Variants in PAK1 observed in about 807,000 individuals in gnomAD.
PAK1 encodes serine/threonine-protein kinase PAK 1.
A neutral mutation model predicts 67.4 loss-of-function variants in PAK1; 29 were observed. The ratio of observed to expected loss-of-function variants is 0.43; its 90% CI spans 0.32 to 0.59. The LOEUF (loss-of-function observed/expected upper bound fraction) is 0.59, where lower values mean the gene tolerates loss of function less well. PAK1 is among the 20% of genes least tolerant of loss of function. The probability of loss-of-function intolerance (pLI) is 0.07; values close to 1 mark genes in which losing one functional copy is unlikely to be tolerated. For missense variants in PAK1, 337 were observed against 670.7 expected (o/e 0.50, Z 5.50); for synonymous variants, 223 against 237.4 (o/e 0.94, Z 0.56).
intron 14 of PAK1, among the ~76,000 whole-genome samples, chr11:77,323,651 A>C (rs1938922608): frequency 6.6e-6 from 1 of 152,234 alleles, no homozygotes; most frequent in African/African-American, 2.4e-5. Context: ...TGTTCATAAA[A>C]GATTTGCTTA....
At chr11:77,436,419 G>C (rs938835982) in intron 1 of PAK1, among the ~76,000 whole-genome samples, 1 of 152,180 alleles carries the variant, frequency 6.6e-6, no homozygotes, top group Non-Finnish European at 1.5e-5. Flanking sequence ...CTTAAGGATA[G>C]AAAAAATCAG....
intron 5 of PAK1, among the ~76,000 whole-genome samples, chr11:77,365,732 C>A (rs1451518322): frequency 6.6e-6 from 1 of 151,720 alleles, no homozygotes; most frequent in African/African-American, 2.4e-5. Context: ...ACTCGGGCGG[C>A]TGAGGCAAGA....
At chr11:77,396,234 A>G (rs969294063) in intron 1 of PAK1, among the ~76,000 whole-genome samples, 1 of 152,258 alleles carries the variant, frequency 6.6e-6, no homozygotes, top group Admixed American at 6.5e-5. Context: ...TTGGAATCTA[A>G]TATTTCAATT....
intron 14 of PAK1, among the ~76,000 whole-genome samples, chr11:77,325,955 G>A (rs1019301395): frequency 2.6e-5 from 4 of 152,150 alleles, no homozygotes; most frequent in African/African-American, 7.2e-5. Context: ...ACAAAATAGA[G>A]GTTATAATCC....
chr11:77,431,872 C>T (rs1406807304), intron 1 of PAK1, among the ~76,000 whole-genome samples: 3 of 152,154 alleles, frequency 2.0e-5, no homozygotes, highest in Admixed American at 6.5e-5. Context: ...TAACAATATG[C>T]CAATCCTATA....
chr11:77,375,276 A>G (rs911960384), intron 4 of PAK1, among the ~76,000 whole-genome samples: 1 of 152,224 alleles, frequency 6.6e-6, no homozygotes, highest in East Asian at 1.9e-4. Flanking sequence ...TCTGCATTCT[A>G]AAAGAAAAGG....
At chr11:77,329,645 GA>G (rs1265231469) in intron 14 of PAK1, among the ~76,000 whole-genome samples, 1 of 151,708 alleles carries the variant, frequency 6.6e-6, no homozygotes, top group Non-Finnish European at 1.5e-5. Flanking sequence ...AAAATAATAA[GA>G]GCTATCTATG....
At chr11:77,417,832 T>G (rs1426915973) in intron 1 of PAK1, among the ~76,000 whole-genome samples, 4 of 151,876 alleles carry the variant, frequency 2.6e-5, no homozygotes, top group Non-Finnish European at 5.9e-5. Context: ...CCTCCCCGGT[T>G]CAAGCAATCC....
chr11:77,427,648 AT>A (rs1421202335), intron 1 of PAK1, among the ~76,000 whole-genome samples: 1 of 152,194 alleles, frequency 6.6e-6, no homozygotes, highest in East Asian at 1.9e-4. Flanking sequence ...GGTCTACTAG[AT>A]GCAATGCCCT....
chr11:77,340,860 T>C (rs1943490984), intron 10 of PAK1, 97 bp from the exon 11 acceptor site: 1 of 763,446 alleles, frequency 1.3e-6, no homozygotes, highest in African/African-American at 1.7e-5. Flanking sequence ...AGAGTGAAAC[T>C]ACGTCTTAGC....
At chr11:77,481,747 GT>G in the PAK1 span, among the ~76,000 whole-genome samples, 1 of 151,218 alleles carries the variant, frequency 6.6e-6, no homozygotes, top group Non-Finnish European at 1.5e-5. Flanking sequence ...TGCAATGATA[GT>G]TTTTGGATTT....
chr11:77,426,230 AACC>A (rs148306656), intron 1 of PAK1, among the ~76,000 whole-genome samples: 1 of 151,974 alleles, frequency 6.6e-6, no homozygotes, highest in Admixed American at 6.6e-5. Context: ...GACAAATGGG[AACC>A]ACCACCACCA....
chr11:77,488,474 A>G, the PAK1 span, among the ~76,000 whole-genome samples: 2 of 152,220 alleles, frequency 1.3e-5, no homozygotes, highest in Admixed American at 6.5e-5. Flanking sequence ...ATCCCAGAGT[A>G]ATAGAGATAT....
At chr11:77,496,251 T>C in the PAK1 span, among the ~76,000 whole-genome samples, 1 of 152,048 alleles carries the variant, frequency 6.6e-6, no homozygotes, top group African/African-American at 2.4e-5. Flanking sequence ...TCTCTTGACT[T>C]CATGATCCAC....
intron 5 of PAK1, among the ~76,000 whole-genome samples, chr11:77,372,505 G>A (rs1313524782): frequency 6.6e-6 from 1 of 152,216 alleles, no homozygotes; most frequent in African/African-American, 2.4e-5. Flanking sequence ...TAATCAATAT[G>A]TGTAAAAATG....
chr11:77,454,899 T>C (rs947769766), intron 1 of PAK1, among the ~76,000 whole-genome samples: 4 of 152,182 alleles, frequency 2.6e-5, no homozygotes, highest in Non-Finnish European at 5.9e-5. Context: ...AGTTCAGGGA[T>C]GGGCAGGTGG....
intron 1 of PAK1, among the ~76,000 whole-genome samples, chr11:77,465,993 T>C (rs1222032618): frequency 6.6e-6 from 1 of 152,108 alleles, no homozygotes; most frequent in African/African-American, 2.4e-5. Flanking sequence ...CTCTAACAGG[T>C]AATTGGAGAA....
intron 1 of PAK1, among the ~76,000 whole-genome samples, chr11:77,410,207 A>G (rs1954294323): frequency 1.3e-5 from 2 of 151,982 alleles, no homozygotes; most frequent in Non-Finnish European, 2.9e-5. Context: ...TCATCTCACT[A>G]AAGGGAACTT....
chr11:77,471,287 GAGC>G (rs1957841787), intron 1 of PAK1, among the ~76,000 whole-genome samples: 2 of 152,172 alleles, frequency 1.3e-5, no homozygotes, highest in South Asian at 2.1e-4. Context: ...TTTTTATTAA[GAGC>G]AGATCTTTTA....
Sources: allele counts gnomAD v4.1 joint callset (sites outside exome capture counted in the v4.1 genomes callset), GRCh38; gene constraint gnomAD v4.1.1; transcripts MANE v1.5; gene names NCBI Gene and HGNC (gene_info 2026-07-23, HGNC 2026-07-21).